Variants in SUMF1 observed in about 807,000 individuals in gnomAD.
SUMF1 encodes sulfatase modifying factor 1.
A neutral mutation model predicts 47.6 loss-of-function variants in SUMF1; 48 were observed. The ratio of observed to expected loss-of-function variants is 1.01; its 90% CI spans 0.80 to 1.28. The LOEUF is 1.28. Among genes scored for constraint, SUMF1 ranks in the 50% most tolerant of loss-of-function variants. SUMF1 has a pLI of 0.00. For synonymous variants in SUMF1, 230 were observed against 192.1 expected, an observed-to-expected ratio of 1.20 and a Z score of -1.63; for missense variants, 571 against 485.4, an observed-to-expected ratio of 1.18 and a Z score of -1.66.
At chr3:4,444,738 T>G (rs376466618) in intron 3 of SUMF1, among the ~76,000 whole-genome samples, 5 of 152,224 alleles carry the variant, frequency 3.3e-5, no homozygotes, top group African/African-American at 1.2e-4. Context: ...AATGGAAGTA[T>G]CAGTGTATAC....
At chr3:4,040,836 G>T (rs1694895476) in intron 9 of SUMF1, among the ~76,000 whole-genome samples, 1 of 152,174 alleles carries the variant, frequency 6.6e-6, no homozygotes, top group African/African-American at 2.4e-5. Flanking sequence ...AGTTTGGGGT[G>T]TGAAACATTT....
chr3:4,093,748 T>C (rs1471781554), intron 8 of SUMF1, among the ~76,000 whole-genome samples: 1 of 152,060 alleles, frequency 6.6e-6, no homozygotes, highest in Non-Finnish European at 1.5e-5. Context: ...AGTCAGATGA[T>C]AATGACTAAT....
intron 8 of SUMF1, among the ~76,000 whole-genome samples, chr3:4,329,715 C>T (rs1006912098): frequency 2.6e-5 from 4 of 152,108 alleles, no homozygotes; most frequent in African/African-American, 9.7e-5. Context: ...CTTGGCTCCT[C>T]ATTACTTATG....
At chr3:4,121,308 T>A (rs1693535149) in intron 8 of SUMF1, among the ~76,000 whole-genome samples, 1 of 152,196 alleles carries the variant, frequency 6.6e-6, no homozygotes, top group African/African-American at 2.4e-5. Flanking sequence ...GTCAAATAAC[T>A]AATAAATTAT....
intron 8 of SUMF1, among the ~76,000 whole-genome samples, chr3:4,069,923 G>T (rs972227262): frequency 1.3e-5 from 2 of 152,018 alleles, no homozygotes; most frequent in Non-Finnish European, 2.9e-5. Context: ...TTCCTTTTCA[G>T]ATCCAGGAGA....
At chr3:4,065,594 T>C (rs1335561085) in intron 9 of SUMF1, among the ~76,000 whole-genome samples, 2 of 152,150 alleles carry the variant, frequency 1.3e-5, no homozygotes, top group Admixed American at 6.6e-5. Flanking sequence ...CATTTATTTA[T>C]TAAAGCAGTG....
intron 8 of SUMF1, among the ~76,000 whole-genome samples, chr3:4,173,076 G>C (rs1046859260): frequency 2.0e-5 from 3 of 152,152 alleles, no homozygotes; most frequent in African/African-American, 7.2e-5. Context: ...CATAGGGCTA[G>C]CTGGTTTTCC....
intron 8 of SUMF1, among the ~76,000 whole-genome samples, chr3:4,342,484 T>C (rs775925357): frequency 2.6e-5 from 4 of 152,308 alleles, no homozygotes; most frequent in Non-Finnish European, 4.4e-5. Flanking sequence ...AGTGAGCTGA[T>C]ATCATGCCCC....
chr3:4,346,775 A>T (rs1699382223), intron 8 of SUMF1, among the ~76,000 whole-genome samples: 1 of 150,700 alleles, frequency 6.6e-6, no homozygotes, highest in Non-Finnish European at 1.5e-5. Flanking sequence ...ATAGAAAGAT[A>T]GACCGCTAGC....
rs146347688 is a variant in SUMF1 at position 4,115,391 on chromosome 3, C to T, written c.1015-46646G>A. On this transcript the variant is annotated intron_variant and NMD_transcript_variant, in intron 8 of 12. Transcript: ENST00000448413. The stretch of plus-strand genomic sequence containing the variant: ...GCAAGAACCCCAGGATACAGAAAGC[C>T]CTCTGCCCTTGCAATAAGGCAGAGG... Among the ~76,000 whole-genome samples, 407 of 152,222 alleles carry T rather than the reference C, an allele frequency of 2.7e-3. 4 individuals carry two copies. The highest frequency in any genetic ancestry group is 9.2e-3 in the African/African-American group (381 of 41,504).
chr3:4,126,156 C>A (rs1693651007), intron 8 of SUMF1, among the ~76,000 whole-genome samples: 1 of 151,384 alleles, frequency 6.6e-6, no homozygotes, highest in African/African-American at 2.4e-5. Context: ...TGTCCCAGGA[C>A]TCCTGAAAGA....
chr3:4,096,417 A>G (rs1478292775), intron 8 of SUMF1, among the ~76,000 whole-genome samples: 1 of 152,134 alleles, frequency 6.6e-6, no homozygotes, highest in East Asian at 1.9e-4. Context: ...ATGAATAATA[A>G]CAACTGAAAG....
At chr3:4,420,038 A>G (rs1373858950) in intron 4 of SUMF1, 26 bp downstream of exon 4, 2 of 1,607,496 alleles carry the variant, frequency 1.2e-6, no homozygotes, top group Admixed American at 1.7e-5. Context: ...GAACTTGTCA[A>G]CTGGGGAAAG....
intron 8 of SUMF1, among the ~76,000 whole-genome samples, chr3:4,337,266 CCCCT>C (rs1699174741): frequency 7.8e-6 from 1 of 128,220 alleles, no homozygotes; most frequent in Non-Finnish European, 1.6e-5. Context: ...TCCCTCACTC[CCCCT>C]CCTTTTGTTT....
intron 7 of SUMF1, among the ~76,000 whole-genome samples, chr3:4,380,394 GA>G (rs1700466582): frequency 6.6e-6 from 1 of 152,162 alleles, no homozygotes. Context: ...AGACAAAGAA[GA>G]GAACAATAGA....
chr3:4,164,897 C>T (rs896731126), intron 8 of SUMF1, among the ~76,000 whole-genome samples: 2 of 152,096 alleles, frequency 1.3e-5, no homozygotes, highest in South Asian at 2.1e-4. Flanking sequence ...CATAGCCACT[C>T]GAGGAAGGCA....
chr3:4,243,817 G>A (rs12054456), intron 8 of SUMF1, among the ~76,000 whole-genome samples: 56,398 of 151,982 alleles, frequency 0.37, 11,367 homozygotes, highest in Non-Finnish European at 0.46. Flanking sequence ...GGGTAGCCTT[G>A]TTAATTTTCT....
At chr3:4,063,992 C>A (rs190521977) in intron 9 of SUMF1, among the ~76,000 whole-genome samples, 1 of 152,138 alleles carries the variant, frequency 6.6e-6, no homozygotes, top group African/African-American at 2.4e-5. Flanking sequence ...CAACAAGATA[C>A]AATTATTAGC....
At chr3:4,247,077 T>C (rs1696687431) in intron 8 of SUMF1, among the ~76,000 whole-genome samples, 1 of 152,186 alleles carries the variant, frequency 6.6e-6, no homozygotes. Context: ...GTCACTTAAA[T>C]AGATTCTCTG....
Sources: allele counts gnomAD v4.1 joint callset (sites outside exome capture counted in the v4.1 genomes callset), GRCh38; gene constraint gnomAD v4.1.1; transcripts MANE v1.5; gene names NCBI Gene and HGNC (gene_info 2026-07-23, HGNC 2026-07-21).